The following SMG6 variants were observed in gnomAD, a reference collection of about 807,000 sequenced individuals.
SMG6 encodes the protein telomerase-binding protein EST1A.
SMG6 carries 66 observed loss-of-function variants against 142.2 expected under a neutral mutation model. The ratio of observed to expected loss-of-function variants is 0.46; its 90% confidence interval spans 0.38 to 0.57. The LOEUF (loss-of-function observed/expected upper bound fraction) is 0.57. Among genes scored for constraint, SMG6 ranks in the 20% least tolerant of loss-of-function variants. The pLI is 0.00. For synonymous variants in SMG6, 779 were observed against 702.4 expected, an observed-to-expected ratio of 1.11 and a Z score of -1.72; for missense variants, 1,793 against 1,832.0, an observed-to-expected ratio of 0.98 and a Z score of 0.39.
rs185762487 is a variant in SMG6 at position 2,061,360 on chromosome 17, G to A, written c.*132C>T. The A allele has an allele frequency of 1.7e-3, 1,540 of 892,726 alleles. 5 individuals carry two copies. The highest frequency in any genetic ancestry group is 2.1e-3 in the Non-Finnish European group (1,223 of 596,092). 55.3% of individuals were successfully genotyped at this position (892,726 alleles called of 1,614,324 possible). On this transcript the variant is annotated 3_prime_UTR_variant, in exon 19 of 19. Transcript: ENST00000263073. ...GTCCCCCACAGCATGGCCGTGGCGT[G>A]GGTTGGAAGAGGATGGTTTATTGTC... is the stretch of plus-strand genomic sequence containing the variant.
chr17:2,284,413 A>T (rs555334079), intron 6 of SMG6, among the ~76,000 whole-genome samples: 1 of 152,326 alleles, frequency 6.6e-6, no homozygotes, highest in Non-Finnish European at 1.5e-5. Flanking sequence ...CAAGAAATTC[A>T]GCAAGTCTAT....
chr17:2,096,199 T>C (rs1455791287), intron 13 of SMG6, among the ~76,000 whole-genome samples: 1 of 152,050 alleles, frequency 6.6e-6, no homozygotes, highest in Non-Finnish European at 1.5e-5. Flanking sequence ...ACACCACTTA[T>C]GTCTGGCAAA....
At position 2,293,013 on chromosome 17, in the gene SMG6, G is replaced by A. The variant is rs1257395591; in HGVS notation, c.2152-36C>T. On this transcript the variant is annotated intron_variant, in intron 4 of 18. Transcript: ENST00000263073. The stretch of plus-strand genomic sequence containing the variant: ...AACAACCAGTTAGTAGAAAAGCCAA[G>A]AAACACTAACTTCAACCCTCAAAGG... The A allele has an allele frequency of 6.9e-6, 10 of 1,457,058 alleles. No homozygotes were observed. The African/African-American group carries it at 7.0e-5, about 10-fold the overall frequency. 90.3% of individuals were successfully genotyped at this position (1,457,058 alleles called of 1,614,324 possible). A position where few individuals can be genotyped will look rare whatever the true frequency, so the allele number is the denominator to read the frequency against.
At chr17:2,131,980 G>A (rs1779879808) in intron 13 of SMG6, among the ~76,000 whole-genome samples, 1 of 152,034 alleles carries the variant, frequency 6.6e-6, no homozygotes, top group South Asian at 2.1e-4. Context: ...ACTGAGGCAG[G>A]CGAATCCCTT....
chr17:2,249,651 T>C (rs754701820), intron 8 of SMG6, among the ~76,000 whole-genome samples: 24 of 152,174 alleles, frequency 1.6e-4, no homozygotes, highest in Non-Finnish European at 2.9e-4. Flanking sequence ...ACAATACACC[T>C]AGATGGTTCT....
At chr17:2,264,821 G>A (rs1373670740) in intron 8 of SMG6, among the ~76,000 whole-genome samples, 1 of 151,746 alleles carries the variant, frequency 6.6e-6, no homozygotes, top group East Asian at 1.9e-4. Flanking sequence ...AGGATTGCTT[G>A]AGCCCAGGAG....
At chr17:2,096,814 A>G (rs781408527) in intron 13 of SMG6, among the ~76,000 whole-genome samples, 5 of 150,864 alleles carry the variant, frequency 3.3e-5, no homozygotes, top group South Asian at 2.1e-4. Context: ...CATGACCTTC[A>G]GTCCAGCAAA....
chr17:2,137,797 G>C (rs2070352803), intron 13 of SMG6, among the ~76,000 whole-genome samples: 1 of 152,190 alleles, frequency 6.6e-6, no homozygotes, highest in Non-Finnish European at 1.5e-5. Flanking sequence ...CCACCCGCAA[G>C]CTGGCTTAGA....
At chr17:2,064,920 G>A (rs2067894463) in intron 18 of SMG6, among the ~76,000 whole-genome samples, 153 bp downstream of exon 18, 1 of 152,140 alleles carries the variant, frequency 6.6e-6, no homozygotes, top group Non-Finnish European at 1.5e-5. Context: ...GCCAGGACAG[G>A]GAGGTTGGGC....
intron 12 of SMG6, among the ~76,000 whole-genome samples, chr17:2,174,369 A>C (rs2071596829): frequency 6.6e-6 from 1 of 152,240 alleles, no homozygotes. Context: ...GGCAGAAAAG[A>C]AAGCATTCAA....
At chr17:2,232,038 T>G (rs2151796205) in intron 10 of SMG6, among the ~76,000 whole-genome samples, 1 of 151,858 alleles carries the variant, frequency 6.6e-6, no homozygotes, top group East Asian at 1.9e-4. Context: ...GTGGTTTTGA[T>G]TCCAGGAATT....
At chr17:2,198,007 G>A (rs924349639) in intron 10 of SMG6, among the ~76,000 whole-genome samples, 7 of 152,182 alleles carry the variant, frequency 4.6e-5, no homozygotes, top group East Asian at 1.9e-4. Flanking sequence ...GAAAACTTAC[G>A]TTTAGAAAAA....
chr17:2,287,589 T>C (rs2074935089), intron 6 of SMG6, among the ~76,000 whole-genome samples: 1 of 152,200 alleles, frequency 6.6e-6, no homozygotes, highest in African/African-American at 2.4e-5. Flanking sequence ...AGAGATTTTA[T>C]TTGAACACCC....
At chr17:2,263,757 CT>C (rs934943493) in intron 8 of SMG6, among the ~76,000 whole-genome samples, 34 of 152,068 alleles carry the variant, frequency 2.2e-4, no homozygotes, top group African/African-American at 8.2e-4. Context: ...GAGTTTCCCC[CT>C]GGAGTCAAAC....
At chr17:2,275,830 CT>C (rs1189881147) in intron 8 of SMG6, among the ~76,000 whole-genome samples, 5 of 152,190 alleles carry the variant, frequency 3.3e-5, no homozygotes, top group Admixed American at 3.3e-4. Flanking sequence ...GCAGTTGAGG[CT>C]GGCAATCCCT....
intron 8 of SMG6, among the ~76,000 whole-genome samples, chr17:2,272,417 G>A (rs2074559690): frequency 6.6e-6 from 1 of 151,956 alleles, no homozygotes; most frequent in Non-Finnish European, 1.5e-5. Flanking sequence ...CTCCCTCCTG[G>A]CACCCACCAC....
chr17:2,101,113 T>C (rs1392346613), intron 13 of SMG6: 1 of 151,778 alleles, frequency 6.6e-6, no homozygotes, highest in Non-Finnish European at 1.5e-5. Flanking sequence ...TATATATTTT[T>C]TGAGACAGGG....
intron 8 of SMG6, among the ~76,000 whole-genome samples, chr17:2,246,620 G>A (rs923773688): frequency 2.0e-5 from 3 of 152,154 alleles, no homozygotes; most frequent in Admixed American, 6.5e-5. Flanking sequence ...ACAGCAAGGT[G>A]AGTCAGGGCC....
chr17:2,124,040 T>C (rs1346569042), intron 13 of SMG6, among the ~76,000 whole-genome samples: 2 of 152,148 alleles, frequency 1.3e-5, no homozygotes, highest in Non-Finnish European at 2.9e-5. Context: ...AGCTCAAGGC[T>C]CCACCCAAAT....
Sources: allele counts gnomAD v4.1 joint callset (sites outside exome capture counted in the v4.1 genomes callset), GRCh38; gene constraint gnomAD v4.1.1; transcripts MANE v1.5; gene names NCBI Gene and HGNC (gene_info 2026-07-23, HGNC 2026-07-21).